CDK6: variants seen among roughly 807,000 people sequenced by gnomAD.
CDK6 encodes the protein cyclin-dependent kinase 6.
In CDK6, 6 loss-of-function variants were observed where a neutral mutation model predicts 37.1. The ratio of observed to expected loss-of-function variants is 0.16; its 90% confidence interval spans 0.09 to 0.32. The LOEUF (loss-of-function observed/expected upper bound fraction) is 0.32, where lower values mean the gene tolerates loss of function less well. Among genes scored for constraint, CDK6 ranks in the 10% least tolerant of loss-of-function variants. The pLI, the probability that CDK6 is intolerant of heterozygous loss-of-function variation, is 1.00. For missense variants in CDK6, 224 were observed against 418.9 expected, an observed-to-expected ratio of 0.53 and a Z score of 4.06; for synonymous variants, 160 against 161.3, an observed-to-expected ratio of 0.99 and a Z score of 0.06.
intron 4 of CDK6, among the ~76,000 whole-genome samples, chr7:92,696,400 T>C (rs1474671382): frequency 6.6e-6 from 1 of 152,198 alleles, no homozygotes; most frequent in African/African-American, 2.4e-5. Flanking sequence ...TATTATATGT[T>C]GTTGTTTCAC....
chr7:92,744,960 ATTTTAT>A (rs1306279623), intron 3 of CDK6, among the ~76,000 whole-genome samples: 3 of 152,072 alleles, frequency 2.0e-5, no homozygotes, highest in African/African-American at 7.2e-5. Context: ...AATTTTGTGT[ATTTTAT>A]TTTTAATTGA....
chr7:92,772,829 T>C (rs1799751554), intron 3 of CDK6, among the ~76,000 whole-genome samples: 1 of 152,196 alleles, frequency 6.6e-6, no homozygotes, highest in African/African-American at 2.4e-5. Flanking sequence ...CAGATGCCTT[T>C]GCAAATGATT....
At chr7:92,819,128 G>T (rs1801106352) in intron 2 of CDK6, among the ~76,000 whole-genome samples, 1 of 151,984 alleles carries the variant, frequency 6.6e-6, no homozygotes, top group Non-Finnish European at 1.5e-5. Flanking sequence ...ATTCACAACA[G>T]CCTTATTTAT....
intron 5 of CDK6, among the ~76,000 whole-genome samples, chr7:92,637,031 T>C (rs1010135590): frequency 6.6e-6 from 1 of 152,160 alleles, no homozygotes; most frequent in Non-Finnish European, 1.5e-5. Flanking sequence ...AATATGAAAG[T>C]GCAATAAAAG....
chr7:92,690,860 C>T (rs1469210500), intron 4 of CDK6, among the ~76,000 whole-genome samples: 1 of 152,110 alleles, frequency 6.6e-6, no homozygotes, highest in Non-Finnish European at 1.5e-5. Flanking sequence ...AAGAATCCTT[C>T]AGGGCTTTGG....
chr7:92,618,654 A>G (rs1439658002), intron 6 of CDK6, among the ~76,000 whole-genome samples: 2 of 152,226 alleles, frequency 1.3e-5, no homozygotes, highest in Non-Finnish European at 2.9e-5. Context: ...TGCTCATCCA[A>G]CATGGTTTAT....
chr7:92,687,923 TA>T (rs1420185434), intron 4 of CDK6, among the ~76,000 whole-genome samples: 1 of 152,234 alleles, frequency 6.6e-6, no homozygotes, highest in African/African-American at 2.4e-5. Context: ...AGATAATATG[TA>T]AAAACTGTGT....
intron 2 of CDK6, among the ~76,000 whole-genome samples, chr7:92,816,264 A>G (rs1424404955): frequency 6.6e-6 from 1 of 152,192 alleles, no homozygotes; most frequent in African/African-American, 2.4e-5. Context: ...GAACTTATGG[A>G]ATAGCAGACA....
rs985198372 is a variant in CDK6, at chr7:92,618,094, T to G, written c.812A>C (p.Glu271Ala). 2.5e-6 allele frequency: 4 copies of G among 1,614,006 alleles called. No homozygotes were observed. Among genetic ancestry groups the G allele is most frequent in the Middle Eastern group, 1.6e-4 (1 of 6,084 alleles). The change falls in exon 7 of 8, where the codon GAA becomes GCA. Residue 271 changes from glutamate (E) to alanine (A), a missense_variant. Around this residue, in one of 5 missense-constraint regions of CDK6, gnomAD observed 90 missense variants for 136.2 expected, o/e 0.66. Transcript: ENST00000424848. ...PIEKFVTDID[E>A]LGKDLLLKCL... ...TACCAGAAGTAGGTCTTTGCCTAGT[T>G]CATCGATATCTGTTACAAACTTCTC...
At chr7:92,765,736 T>C (rs565884339) in intron 3 of CDK6, among the ~76,000 whole-genome samples, 53 of 152,230 alleles carry the variant, frequency 3.5e-4, no homozygotes, top group African/African-American at 1.0e-3. Flanking sequence ...ACTTAAAGTC[T>C]CATCTAGTTG....
chr7:92,655,618 C>A (rs1013394508), intron 5 of CDK6, among the ~76,000 whole-genome samples: 10 of 152,324 alleles, frequency 6.6e-5, no homozygotes, highest in African/African-American at 2.2e-4. Context: ...ACATTTGGCA[C>A]GCTCTTGTTG....
Position 92,835,785 on chromosome 7 carries a change from G to GCTGCGGGGACCAGGGCTGCTCA in CDK6, c.-368+671_-368+692dup, listed in dbSNP as rs1191747705. Among the ~76,000 whole-genome samples, 4 of 152,354 alleles carry GCTGCGGGGACCAGGGCTGCTCA rather than the reference G, an allele frequency of 2.6e-5. No individual in the cohort carries two copies. Among genetic ancestry groups the GCTGCGGGGACCAGGGCTGCTCA allele is most frequent in the South Asian group, 4.1e-4 (2 of 4,832 alleles). Reference sequence around the variant, plus strand: ...CGCCCATATGCACACGGACGGGCGCGCTGCGGGGACCAGGGCTGCTCACTG... The same window carrying GCTGCGGGGACCAGGGCTGCTCA: ...CGCCCATATGCACACGGACGGGCGCGCTGCGGGGACCAGGGCTGCTCACTGCGGGGACCAGGGCTGCTCACTG... On this transcript the variant is annotated intron_variant, in intron 1 of 7. Transcript: ENST00000424848. This position sits in a 1 kb window ranked among gnomAD's most constrained non-coding sequence, Gnocchi z 4.2.
At chr7:92,765,336 A>G (rs1799554133) in intron 3 of CDK6, among the ~76,000 whole-genome samples, 1 of 152,172 alleles carries the variant, frequency 6.6e-6, no homozygotes, top group Admixed American at 6.5e-5. Flanking sequence ...TTTTGGAATT[A>G]GTACTATTTT....
intron 4 of CDK6, among the ~76,000 whole-genome samples, chr7:92,718,906 C>T (rs1798299191): frequency 6.6e-6 from 1 of 152,212 alleles, no homozygotes; most frequent in Non-Finnish European, 1.5e-5. Flanking sequence ...CATTTCCATT[C>T]ACCATCATCC....
intron 4 of CDK6, among the ~76,000 whole-genome samples, chr7:92,676,435 G>A (rs1266458650): frequency 2.6e-5 from 4 of 152,028 alleles, no homozygotes; most frequent in Non-Finnish European, 5.9e-5. Flanking sequence ...TTCTGGGAGT[G>A]TAATGGAAGT....
intron 3 of CDK6, among the ~76,000 whole-genome samples, chr7:92,769,915 CATAG>C (rs999192400): frequency 7.6e-4 from 116 of 152,026 alleles, no homozygotes; most frequent in African/African-American, 2.6e-3. Context: ...GCTATATAAG[CATAG>C]ATACTCTGAA....
At chr7:92,794,921 C>T (rs1359175520) in intron 2 of CDK6, among the ~76,000 whole-genome samples, 1 of 151,982 alleles carries the variant, frequency 6.6e-6, no homozygotes, top group African/African-American at 2.4e-5. Flanking sequence ...GCCCATAAAA[C>T]GATTCTGAAG....
intron 4 of CDK6, among the ~76,000 whole-genome samples, chr7:92,705,286 A>G (rs761706165): frequency 1.1e-4 from 17 of 152,224 alleles, no homozygotes; most frequent in Non-Finnish European, 2.5e-4. Flanking sequence ...ATATATACAC[A>G]AAATAGTAAC....
intron 5 of CDK6, among the ~76,000 whole-genome samples, chr7:92,635,018 C>T (rs1796137487): frequency 6.6e-6 from 1 of 152,064 alleles, no homozygotes; most frequent in Non-Finnish European, 1.5e-5. Flanking sequence ...AAACATGCAA[C>T]CAAAAGCACC....
Sources: gnomAD v4.1 joint callset for allele counts (sites outside exome capture counted in the v4.1 genomes callset) on GRCh38, gnomAD v4.1.1 for gene constraint, gnomAD v4.1.1 regional missense constraint, Gnocchi (gnomAD v3.1) non-coding constraint, MANE v1.5 for transcripts, NCBI Gene and HGNC (gene_info 2026-07-23, HGNC 2026-07-21) for gene names.